STOM: variants seen among roughly 807,000 people sequenced by gnomAD.
STOM encodes the protein stomatin.
STOM carries 25 observed loss-of-function variants against 30.6 expected under a neutral mutation model. That is an observed-to-expected ratio of 0.82 (90% CI 0.60 to 1.14). The LOEUF is 1.14. STOM is among the 50% of genes most tolerant of loss of function. STOM has a pLI of 0.00. For missense variants in STOM, 292 were observed against 365.2 expected, an observed-to-expected ratio of 0.80 and a Z score of 1.63; for synonymous variants, 118 against 130.8, an observed-to-expected ratio of 0.90 and a Z score of 0.67.
chr9:121,355,387 C>CA (rs36030273), intron 2 of STOM, among the ~76,000 whole-genome samples: 11,415 of 95,974 alleles, frequency 0.12, 561 homozygotes, highest in Middle Eastern at 0.21. Flanking sequence ...GGCTCTGGCT[C>CA]AAAAAAAAAA....
At chr9:121,341,676 A>C (rs891801779) in intron 6 of STOM, among the ~76,000 whole-genome samples, 2 of 152,244 alleles carry the variant, frequency 1.3e-5, no homozygotes, top group African/African-American at 4.8e-5. Flanking sequence ...CAAAGGGATA[A>C]TTCAAAATAC....
rs1000680205 is a variant in STOM, at chr9:121,340,980, A to G, written c.*222T>C. On this transcript the variant is annotated 3_prime_UTR_variant, in exon 7 of 7. Transcript: ENST00000286713. ...CTACTACATAATAATCTAAAAATAC[A>G]AACTTTTAACTATTTTAAGACTAAC... 2.2e-4 allele frequency: 310 copies of G among 1,391,012 alleles called. 3 individuals are homozygous for G. Among genetic ancestry groups the G allele is most frequent in the Non-Finnish European group, 2.8e-5 (30 of 1,074,120 alleles). The allele number at this position is 1,391,012 out of a possible 1,614,324, so 86.2% of individuals were successfully genotyped here. A position where few individuals can be genotyped will look rare whatever the true frequency, so the allele number is the denominator to read the frequency against.
At chr9:121,360,373 T>C (rs1331507266) in intron 1 of STOM, among the ~76,000 whole-genome samples, 1 of 152,210 alleles carries the variant, frequency 6.6e-6, no homozygotes, top group Non-Finnish European at 1.5e-5. Flanking sequence ...TTCTTGTGCA[T>C]TTATATCCCT....
At chr9:121,357,234 G>A (rs79866085) in intron 1 of STOM, among the ~76,000 whole-genome samples, 4,365 of 151,694 alleles carry the variant, frequency 0.029, 83 homozygotes, top group Middle Eastern at 0.061. Flanking sequence ...CTTTGTACAC[G>A]GCTTTCCTCT....
chr9:121,357,437 A>ATATT (rs1290562604), intron 1 of STOM, among the ~76,000 whole-genome samples: 46 of 90,844 alleles, frequency 5.1e-4, no homozygotes, highest in South Asian at 7.5e-4. Flanking sequence ...ATATATATAT[A>ATATT]TATTTATTTA....
At chr9:121,358,887 T>C (rs2064423039) in intron 1 of STOM, among the ~76,000 whole-genome samples, 1 of 152,232 alleles carries the variant, frequency 6.6e-6, no homozygotes, top group Non-Finnish European at 1.5e-5. Flanking sequence ...GAGCCTTGTG[T>C]GGACTTCCTT....
At chr9:121,347,450 T>C (rs1485145852) in intron 6 of STOM, among the ~76,000 whole-genome samples, 1 of 151,762 alleles carries the variant, frequency 6.6e-6, no homozygotes. Context: ...AAAAGGCAGA[T>C]GTCAAAGTAA....
At position 121,349,175 on chromosome 9, in the gene STOM, G is replaced by C. The variant is rs944565479; in HGVS notation, c.470C>G (p.Thr157Ser). The C allele has an allele frequency of 1.9e-6, 3 of 1,614,128 alleles. No homozygotes were observed. Among genetic ancestry groups the C allele is most frequent in the Non-Finnish European group, 2.5e-6 (3 of 1,180,024 alleles). The stretch of plus-strand genomic sequence containing the variant: ...AGAGAGGATCTGAGAAAGATTCTTG[G>C]TGCCCAGAACATTCCTCAGAGTAGT... ...AQTTLRNVLG[T>S]KNLSQILSDR... The change falls in exon 5 of 7, where the codon ACC becomes AGC. Residue 157 changes from threonine to serine, a missense_variant. Transcript: ENST00000286713.
Position 121,339,906 on chromosome 9 carries a change from C to A in STOM, c.*1296G>T. On this transcript the variant is annotated 3_prime_UTR_variant, in exon 7 of 7. Coordinates refer to ENST00000286713, the MANE Select transcript of STOM (RefSeq NM_004099.6). ...CATTAGACACTATATAGTCAATATA[C>A]TGTGAATTCCTTATACTATGTAATG... The A allele has an allele frequency of 9.2e-7, 1 of 1,092,822 alleles. No homozygotes were observed. The highest frequency in any genetic ancestry group is 5.5e-5 in the East Asian group (1 of 18,346). The allele number at this position is 1,092,822 out of a possible 1,614,324, so 67.7% of individuals were successfully genotyped here. A position where few individuals can be genotyped will look rare whatever the true frequency, so the allele number is the denominator to read the frequency against.
intron 1 of STOM, among the ~76,000 whole-genome samples, chr9:121,360,518 C>T (rs1426839591): frequency 6.6e-6 from 1 of 152,070 alleles, no homozygotes; most frequent in African/African-American, 2.4e-5. Context: ...ATTAGGCTGG[C>T]CTTGTAGAAT....
At position 121,341,144 on chromosome 9, in the gene STOM, G is replaced by A. The variant is rs2064242681; in HGVS notation, c.*58C>T. The A allele has an allele frequency of 1.9e-6, 3 of 1,610,568 alleles. No individual in the cohort carries two copies. The highest frequency in any genetic ancestry group is 2.2e-5 in the South Asian group (2 of 90,964). Reference sequence around the variant, plus strand: ...GAAAAGCCCTACCCTCTCTTTATGAGTTAAAGGCTAATTTGGTCCCCGACT... The same window carrying A: ...GAAAAGCCCTACCCTCTCTTTATGAATTAAAGGCTAATTTGGTCCCCGACT... On this transcript the variant is annotated 3_prime_UTR_variant, in exon 7 of 7. Coordinates refer to ENST00000286713, the MANE Select transcript of STOM (RefSeq NM_004099.6).
In STOM at chr9:121,349,185, C is replaced by A. The variant is rs535804563; in HGVS notation, c.460G>T (p.Val154Phe). 1 of 1,614,182 alleles carries A rather than the reference C, an allele frequency of 6.2e-7. No homozygotes were observed. Among genetic ancestry groups the A allele is most frequent in the East Asian group, 2.2e-5 (1 of 44,886 alleles). Residue 154 changes from valine (V) to phenylalanine (F), a missense_variant, in exon 5 of 7, where the codon GTT (valine) becomes TTT (phenylalanine). Val to Phe is a conservative substitution (Grantham distance 50, BLOSUM62 -1). Coordinates refer to ENST00000286713, the MANE Select transcript of STOM (RefSeq NM_004099.6). ...TGAGAAAGATTCTTGGTGCCCAGAA[C>A]ATTCCTCAGAGTAGTTTGTGCCAAA... The part of the protein sequence containing the change: ...RLLAQTTLRN[V>F]LGTKNLSQIL...
rs539218255 is a variant in STOM at position 121,339,416 on chromosome 9, T to A, written c.*1786A>T. 11 of 654,614 alleles carry A rather than the reference T, an allele frequency of 1.7e-5. No homozygotes were observed. The Admixed American group carries it at 2.2e-4, about 13-fold the overall frequency. The allele number at this position is 654,614 out of a possible 1,614,324, so 40.6% of individuals were successfully genotyped here. Reference sequence around the variant, plus strand: ...TCAAAATGTAAGTGCAACTTGAGTTTAAGTTGCACTGCTCCATACCTCTAA... The same window carrying A: ...TCAAAATGTAAGTGCAACTTGAGTTAAAGTTGCACTGCTCCATACCTCTAA... On this transcript the variant is annotated 3_prime_UTR_variant, in exon 7 of 7. Coordinates refer to ENST00000286713, the MANE Select transcript of STOM (RefSeq NM_004099.6).
rs1318433915 is a variant in STOM at position 121,357,437 on chromosome 9, A to ATATATATATATATATATATATATT, written c.62-1282_62-1281insAATATATATATATATATATATATA. The stretch of plus-strand genomic sequence containing the variant: ...ATATTTTTAAATGATATATATATAT[A>ATATATATATATATATATATATATT]TATTTATTTATTTATTTTTTGAGAC... On this transcript the variant is annotated intron_variant, in intron 1 of 6. Transcript: ENST00000286713. Among the ~76,000 whole-genome samples, 133 of 90,980 alleles carry ATATATATATATATATATATATATT rather than the reference A, an allele frequency of 1.5e-3. 2 individuals carry two copies. The highest frequency in any genetic ancestry group is 6.1e-3 in the Middle Eastern group (1 of 164). 59.7% of individuals were successfully genotyped at this position (90,980 alleles called of 152,430 possible).
At chr9:121,368,053 T>C (rs2064522450) in intron 1 of STOM, among the ~76,000 whole-genome samples, 1 of 152,192 alleles carries the variant, frequency 6.6e-6, no homozygotes, top group African/African-American at 2.4e-5. Context: ...GCACTTAAAC[T>C]GTCTTTTGGC....
intron 1 of STOM, 98 bp from the exon 2 acceptor site, chr9:121,356,254 A>G: frequency 1.1e-6 from 1 of 932,616 alleles, no homozygotes; most frequent in South Asian, 1.6e-5. Context: ...TGTGCTTGGC[A>G]CTACACCAGC....
chr9:121,343,998 C>T (rs913845364), intron 6 of STOM, among the ~76,000 whole-genome samples: 48 of 151,940 alleles, frequency 3.2e-4, no homozygotes, highest in African/African-American at 1.1e-3. Context: ...CGAAGGAGGG[C>T]GAATCAGTGG....
chr9:121,368,004 T>C (rs1029270018), intron 1 of STOM, among the ~76,000 whole-genome samples: 3 of 152,220 alleles, frequency 2.0e-5, no homozygotes, highest in Admixed American at 6.5e-5. Flanking sequence ...TTTTTCCTTG[T>C]AGAGCTGTTA....
chr9:121,344,331 T>A (rs2064271445), intron 6 of STOM, among the ~76,000 whole-genome samples: 1 of 152,146 alleles, frequency 6.6e-6, no homozygotes, highest in African/African-American at 2.4e-5. Flanking sequence ...CCATATCATC[T>A]CAGATGTCCA....
Sources: allele counts gnomAD v4.1 joint callset (sites outside exome capture counted in the v4.1 genomes callset), GRCh38; gene constraint gnomAD v4.1.1; transcripts MANE v1.5; gene names NCBI Gene and HGNC (gene_info 2026-07-23, HGNC 2026-07-21).